Variants in RFC3 observed in about 807,000 individuals in gnomAD.
RFC3 encodes replication factor C subunit 3.
Under a neutral mutation model 45.1 loss-of-function variants are expected in RFC3, and 41 were observed. The ratio of observed to expected loss-of-function variants is 0.91; its 90% CI spans 0.71 to 1.18. The LOEUF (loss-of-function observed/expected upper bound fraction) is 1.18. RFC3 is among the 50% of genes most tolerant of loss of function. The pLI is 0.00. For synonymous variants in RFC3, 149 were observed against 144.0 expected (o/e 1.03, Z -0.25); for missense variants, 423 against 428.1 (o/e 0.99, Z 0.10).
At chr13:33,841,142 T>C (rs1023610532), downstream of RFC3, among the ~76,000 whole-genome samples, 2 of 152,158 alleles carry the variant, frequency 1.3e-5, no homozygotes, top group Non-Finnish European at 2.9e-5. Flanking sequence ...GGGATCTAGA[T>C]TGTGTACTCC....
intron 8 of RFC3, among the ~76,000 whole-genome samples, chr13:33,869,457 A>G (rs557023650): frequency 1.3e-5 from 2 of 151,916 alleles, no homozygotes; most frequent in South Asian, 4.2e-4. Context: ...TTTTTTTCAC[A>G]GAAGAAACTA....
At chr13:33,888,952 G>T (rs1048747931) in intron 8 of RFC3, among the ~76,000 whole-genome samples, 9 of 152,124 alleles carry the variant, frequency 5.9e-5, no homozygotes, top group African/African-American at 2.2e-4. Context: ...CACCGTGTTA[G>T]CCAGGATGGT....
intron 8 of RFC3, among the ~76,000 whole-genome samples, chr13:33,853,865 G>A (rs984783665): frequency 1.3e-5 from 2 of 152,116 alleles, no homozygotes. Flanking sequence ...ACTACTTAAA[G>A]ACTGGAACAG....
At chr13:33,950,573 A>G (rs1441543718) in intron 8 of RFC3, among the ~76,000 whole-genome samples, 1 of 152,196 alleles carries the variant, frequency 6.6e-6, no homozygotes, top group Non-Finnish European at 1.5e-5. Flanking sequence ...GGCTTGCCCC[A>G]GCCATGTTCC....
downstream of RFC3, among the ~76,000 whole-genome samples, chr13:33,970,290 A>G (rs1347961878): frequency 6.6e-6 from 1 of 152,210 alleles, no homozygotes; most frequent in African/African-American, 2.4e-5. Flanking sequence ...GCTGCATAGT[A>G]TTCCATGGTA....
downstream of RFC3, among the ~76,000 whole-genome samples, chr13:33,968,679 A>G (rs949889018): frequency 2.6e-5 from 4 of 152,244 alleles, no homozygotes; most frequent in African/African-American, 7.2e-5. Flanking sequence ...ATGATTGTGC[A>G]GACCAAACAG....
intron 8 of RFC3, among the ~76,000 whole-genome samples, chr13:33,954,054 A>C (rs1021994239): frequency 6.6e-6 from 1 of 152,236 alleles, no homozygotes; most frequent in African/African-American, 2.4e-5. Context: ...TGCTAAGAAA[A>C]TAGTTTAAAA....
chr13:33,877,052 A>G (rs143063420), intron 8 of RFC3, among the ~76,000 whole-genome samples: 7 of 152,316 alleles, frequency 4.6e-5, no homozygotes, highest in African/African-American at 9.6e-5. Flanking sequence ...GAAAGCTACT[A>G]TTTATTGATG....
At position 33,887,457 on chromosome 13, in the gene RFC3, C is replaced by A. The variant is rs1178378244; in HGVS notation, c.879+52240C>A. Among the ~76,000 whole-genome samples the A allele has an allele frequency of 1.3e-4, 20 of 152,130 alleles. No individual in the cohort carries two copies. The East Asian group carries it at 3.9e-3, about 29-fold the overall frequency. ...TCTTTTGAGAAGTGTCTGTTCATGT[C>A]CTTTGCCCACTTTTTGATGGTGTTG... On this transcript the variant is annotated intron_variant, in intron 8 of 8. Transcript: ENST00000434425.
chr13:33,868,170 G>C (rs1338675372), intron 8 of RFC3, among the ~76,000 whole-genome samples: 1 of 152,182 alleles, frequency 6.6e-6, no homozygotes, highest in Admixed American at 6.5e-5. Context: ...CAGGTACGAA[G>C]ATAACTGGAC....
At chr13:33,831,195 C>G in intron 6 of RFC3, 61 bp from the exon 7 acceptor site, 1 of 1,047,106 alleles carries the variant, frequency 9.6e-7, no homozygotes, top group Non-Finnish European at 1.5e-6. Context: ...GTTGGGGACT[C>G]CTGTTTTAGG....
At position 33,964,043 on chromosome 13, in the gene RFC3, C is replaced by A. The variant is rs77832240; in HGVS notation, c.880-2044C>A. Among the ~76,000 whole-genome samples the A allele has an allele frequency of 3.4e-3, 521 of 152,282 alleles. 5 individuals carry two copies. The highest frequency in any genetic ancestry group is 0.012 in the African/African-American group (498 of 41,562). ...AATGATGAAATCGCTGCAGTAACTT[C>A]AGGGCTGTTTGCTCTGCTGCTGACC... On this transcript the variant is annotated intron_variant, in intron 8 of 8. Coordinates refer to the RFC3 transcript ENST00000434425.
Position 33,825,869 on chromosome 13 carries a change from C to G in RFC3, c.374C>G (p.Ser125Cys), listed in dbSNP as rs2082044721. Residue 125 changes from serine (S) to cysteine (C), a missense_variant, in exon 4 of 9, where the codon TCT becomes TGT. Coordinates refer to ENST00000380071, the MANE Select transcript of RFC3 (RefSeq NM_002915.4). The stretch of plus-strand genomic sequence containing the variant: ...CAATCACAACAACTTGAAACAAACT[C>G]TCAAAGGGATTTTAAAGGTAGGTGA... ...VAQSQQLETNSQRDFKVVLLT... is the reference protein window; with the variant it reads ...VAQSQQLETNCQRDFKVVLLT... 1 of 1,605,156 alleles carries G rather than the reference C, an allele frequency of 6.2e-7. No individual in the cohort carries two copies. Among genetic ancestry groups the G allele is most frequent in the African/African-American group, 1.3e-5 (1 of 74,512 alleles).
At chr13:33,936,265 T>A (rs186045735) in intron 8 of RFC3, among the ~76,000 whole-genome samples, 1 of 152,216 alleles carries the variant, frequency 6.6e-6, no homozygotes, top group African/African-American at 2.4e-5. Flanking sequence ...GTGGGCACAG[T>A]GGCTTTGGGA....
chr13:33,920,008 C>G (rs74046221), intron 8 of RFC3, among the ~76,000 whole-genome samples: 2,345 of 152,160 alleles, frequency 0.015, 70 homozygotes, highest in African/African-American at 0.054. Context: ...ATAAAAGATG[C>G]CCTAGAAATT....
intron 8 of RFC3, among the ~76,000 whole-genome samples, chr13:33,954,710 A>C (rs1254650509): frequency 6.6e-6 from 1 of 152,166 alleles, no homozygotes; most frequent in African/African-American, 2.4e-5. Flanking sequence ...TTGTGTCCTC[A>C]CAAGGCAGAG....
chr13:33,823,856 C>A, intron 2 of RFC3, 61 bp from the exon 3 acceptor site: 1 of 853,142 alleles, frequency 1.2e-6, no homozygotes, highest in Non-Finnish European at 1.8e-6. Flanking sequence ...AATGAAAATA[C>A]AAAAGAGTGG....
chr13:33,956,383 A>T (rs1028932769), intron 8 of RFC3, among the ~76,000 whole-genome samples: 1 of 152,214 alleles, frequency 6.6e-6, no homozygotes, highest in African/African-American at 2.4e-5. Context: ...CCACGTTGGT[A>T]TAAGATATTT....
At chr13:33,866,399 G>GT (rs2082373979) in intron 8 of RFC3, among the ~76,000 whole-genome samples, 1 of 152,228 alleles carries the variant, frequency 6.6e-6, no homozygotes, top group African/African-American at 2.4e-5. Context: ...AGCTGGAAGG[G>GT]TGTGATCCAT....
Sources: allele counts gnomAD v4.1 joint callset (sites outside exome capture counted in the v4.1 genomes callset), GRCh38; gene constraint gnomAD v4.1.1; transcripts MANE v1.5; gene names NCBI Gene and HGNC (gene_info 2026-07-23, HGNC 2026-07-21).